Variants in LINGO2 observed in about 807,000 individuals in gnomAD.
LINGO2 encodes the protein leucine rich repeat and Ig domain containing 2.
In LINGO2, 14 loss-of-function variants were observed where a neutral mutation model predicts 30.6. The observed-to-expected ratio is 0.46, with a 90% CI of 0.30 to 0.72. LINGO2 has a LOEUF of 0.72. Ranked by LOEUF, LINGO2 falls within the 30% of genes least tolerant of loss-of-function variation. LINGO2 has a pLI of 0.07. For missense variants in LINGO2, 729 were observed against 751.7 expected (o/e 0.97, Z 0.35); for synonymous variants, 317 against 288.5 (o/e 1.10, Z -1.00).
chr9:28,708,012 C>G, the LINGO2 span, among the ~76,000 whole-genome samples: 1 of 152,006 alleles, frequency 6.6e-6, no homozygotes. Flanking sequence ...GGAATAAAGA[C>G]CTAATAAAAT....
the LINGO2 span, among the ~76,000 whole-genome samples, chr9:28,676,302 T>C: frequency 1.3e-5 from 2 of 152,026 alleles, no homozygotes; most frequent in African/African-American, 4.8e-5. Context: ...GACAGGAACA[T>C]AGGAAAAATA....
At chr9:28,652,197 C>T (rs1828133526) in intron 1 of LINGO2, among the ~76,000 whole-genome samples, 1 of 151,888 alleles carries the variant, frequency 6.6e-6, no homozygotes, top group Admixed American at 6.6e-5. Context: ...TTTAAGACAT[C>T]GTGTTTAACA....
chr9:28,531,096 C>T (rs1213088198), intron 1 of LINGO2, among the ~76,000 whole-genome samples: 1 of 149,222 alleles, frequency 6.7e-6, no homozygotes, highest in Non-Finnish European at 1.5e-5. Flanking sequence ...ATAAGACTGG[C>T]ATCTTATACT....
the LINGO2 span, among the ~76,000 whole-genome samples, chr9:29,027,552 G>T: frequency 1.3e-5 from 2 of 152,098 alleles, no homozygotes; most frequent in African/African-American, 2.4e-5. Flanking sequence ...TGGCCAGGCT[G>T]GTCTTGAACT....
chr9:28,289,858 A>C (rs1202873933), intron 4 of LINGO2, among the ~76,000 whole-genome samples: 1 of 152,192 alleles, frequency 6.6e-6, no homozygotes, highest in Non-Finnish European at 1.5e-5. Flanking sequence ...AGGAAGCAGG[A>C]CAAAGAGGTA....
intron 1 of LINGO2, among the ~76,000 whole-genome samples, chr9:28,667,006 T>C (rs546724798): frequency 1.2e-3 from 183 of 152,286 alleles, no homozygotes; most frequent in African/African-American, 4.3e-3. Flanking sequence ...AAATAAAATG[T>C]ATATAAAGGC....
At chr9:28,873,735 T>C in the LINGO2 span, among the ~76,000 whole-genome samples, 1 of 152,164 alleles carries the variant, frequency 6.6e-6, no homozygotes, top group African/African-American at 2.4e-5. Context: ...CTTACTTCTC[T>C]TTTGATGTTC....
At position 28,533,531 on chromosome 9, in the gene LINGO2, T is replaced by C. The variant is rs79461513; in HGVS notation, c.-364-57506A>G. Reference sequence around the variant, plus strand: ...ATCTTATAAGGAAGGAGTCAGGACATAAACACTGCTTTGAAGTCCTGATGA... The same window carrying C: ...ATCTTATAAGGAAGGAGTCAGGACACAAACACTGCTTTGAAGTCCTGATGA... On this transcript the variant is annotated intron_variant, in intron 1 of 5. Transcript: ENST00000379992. Among the ~76,000 whole-genome samples the C allele has an allele frequency of 2.9e-3, 445 of 152,296 alleles. 2 individuals carry two copies. Among genetic ancestry groups the C allele is most frequent in the African/African-American group, 0.01 (426 of 41,566 alleles).
At chr9:28,725,171 C>T in the LINGO2 span, among the ~76,000 whole-genome samples, 4 of 151,752 alleles carry the variant, frequency 2.6e-5, no homozygotes, top group Non-Finnish European at 4.4e-5. Flanking sequence ...AATATGAACT[C>T]AATCAAAAAA....
At chr9:28,512,665 A>C (rs1677923826) in intron 1 of LINGO2, among the ~76,000 whole-genome samples, 1 of 70,318 alleles carries the variant, frequency 1.4e-5, no homozygotes, top group Non-Finnish European at 3.3e-5. Context: ...ACACACACAT[A>C]TGGATATCTA....
At chr9:29,198,804 A>C in the LINGO2 span, among the ~76,000 whole-genome samples, 1 of 152,158 alleles carries the variant, frequency 6.6e-6, no homozygotes, top group Non-Finnish European at 1.5e-5. Context: ...AACAATGCAT[A>C]GGTGAATGGA....
At chr9:28,819,056 G>T in the LINGO2 span, among the ~76,000 whole-genome samples, 79 of 151,990 alleles carry the variant, frequency 5.2e-4, no homozygotes, top group African/African-American at 1.9e-3. Context: ...TCCATCTTTA[G>T]ACTGCTCTCA....
At chr9:28,773,019 A>T in the LINGO2 span, among the ~76,000 whole-genome samples, 1 of 152,098 alleles carries the variant, frequency 6.6e-6, no homozygotes, top group Non-Finnish European at 1.5e-5. Context: ...AATAATAATC[A>T]CATAAAAGTG....
At chr9:28,223,418 C>G (rs970939842) in intron 4 of LINGO2, among the ~76,000 whole-genome samples, 1 of 152,168 alleles carries the variant, frequency 6.6e-6, no homozygotes, top group South Asian at 2.1e-4. Flanking sequence ...ATCTCATTCA[C>G]AAGGGGAGAA....
At chr9:29,167,218 G>A in the LINGO2 span, among the ~76,000 whole-genome samples, 4 of 152,160 alleles carry the variant, frequency 2.6e-5, no homozygotes, top group East Asian at 7.7e-4. Flanking sequence ...TATGTCTACT[G>A]AATAAGAATG....
At chr9:28,755,825 C>A in the LINGO2 span, among the ~76,000 whole-genome samples, 72 of 152,068 alleles carry the variant, frequency 4.7e-4, 1 homozygote, top group African/African-American at 1.7e-3. Context: ...CAGCTATGTC[C>A]GATCACAGCT....
intron 4 of LINGO2, among the ~76,000 whole-genome samples, chr9:28,140,684 AC>A (rs1454724976): frequency 6.6e-6 from 1 of 152,098 alleles, no homozygotes; most frequent in African/African-American, 2.4e-5. Flanking sequence ...TATCACTACC[AC>A]CTGGATTTTC....
chr9:28,581,205 T>C (rs1459083858), intron 1 of LINGO2, among the ~76,000 whole-genome samples: 1 of 151,946 alleles, frequency 6.6e-6, no homozygotes, highest in East Asian at 1.9e-4. Flanking sequence ...CCTAGAAGTT[T>C]CTTACAGTAA....
chr9:28,957,982 T>C, the LINGO2 span, among the ~76,000 whole-genome samples: 3 of 152,218 alleles, frequency 2.0e-5, no homozygotes, highest in African/African-American at 7.2e-5. Flanking sequence ...AAACTCAAAG[T>C]AGTTACATAA....
Sources: allele counts gnomAD v4.1 joint callset (sites outside exome capture counted in the v4.1 genomes callset), GRCh38; gene constraint gnomAD v4.1.1; transcripts MANE v1.5; gene names NCBI Gene and HGNC (gene_info 2026-07-23, HGNC 2026-07-21).